Variants in SP1 observed in about 807,000 individuals in gnomAD.
SP1 encodes Sp1 transcription factor, also known as transcription factor Sp1.
A neutral mutation model predicts 66.3 loss-of-function variants in SP1; 6 were observed. That is an observed-to-expected ratio of 0.09 (90% CI 0.05 to 0.18). The LOEUF is 0.18. Among genes scored for constraint, SP1 ranks in the 10% least tolerant of loss-of-function variants. The pLI, the probability that SP1 is intolerant of heterozygous loss-of-function variation, is 1.00. For synonymous variants in SP1, 417 were observed against 360.8 expected, an observed-to-expected ratio of 1.16 and a Z score of -1.77; for missense variants, 848 against 964.5, an observed-to-expected ratio of 0.88 and a Z score of 1.60.
Position 53,414,219 on chromosome 12 carries a change from C to G in SP1, c.*2979C>G, listed in dbSNP as rs1938951942. 6.6e-6 allele frequency: 1 copy of G among 152,248 alleles called. No individual in the cohort carries two copies. Among genetic ancestry groups the G allele is most frequent in the East Asian group, 1.9e-4 (1 of 5,200 alleles). 9.4% of individuals were successfully genotyped at this position (152,248 alleles called of 1,614,324 possible). ...TGAGTTTTTTAAATTTTTTAGATGA[C>G]CAAAACTTGCAGGGCAGGGGATGCC... On this transcript the variant is annotated 3_prime_UTR_variant, in exon 6 of 6. Coordinates refer to ENST00000327443, the MANE Select transcript of SP1 (RefSeq NM_138473.3).
In SP1 at chr12:53,413,510, C is replaced by G. The variant is rs1938937321; in HGVS notation, c.*2270C>G. ...AATAGTTCACTCCATTTGGTCCTTTCTCCACAGATGTAATTATGTTTTCAA... is the reference window on the plus strand; with the variant it reads ...AATAGTTCACTCCATTTGGTCCTTTGTCCACAGATGTAATTATGTTTTCAA... On this transcript the variant is annotated 3_prime_UTR_variant, in exon 6 of 6. Transcript: ENST00000327443. The G allele has an allele frequency of 2.0e-5, 3 of 152,608 alleles. No individual in the cohort carries two copies. Among genetic ancestry groups the G allele is most frequent in the Non-Finnish European group, 4.4e-5 (3 of 68,040 alleles). 9.5% of individuals were successfully genotyped at this position (152,608 alleles called of 1,614,324 possible). A position where few individuals can be genotyped will look rare whatever the true frequency, so the allele number is the denominator to read the frequency against.
At chr12:53,391,916 T>C (rs908328144) in intron 3 of SP1, among the ~76,000 whole-genome samples, 4 of 152,094 alleles carry the variant, frequency 2.6e-5, no homozygotes, top group Admixed American at 2.0e-4. Context: ...CAGACATGGA[T>C]GCAAAAGATA....
At position 53,380,317 on chromosome 12, in the gene SP1, C is replaced by G; in HGVS notation, c.7+19C>G. 1 of 1,582,788 alleles carries G rather than the reference C, an allele frequency of 6.3e-7. No homozygotes were observed. Among genetic ancestry groups the G allele is most frequent in the Non-Finnish European group, 8.6e-7 (1 of 1,164,356 alleles). On this transcript the variant is annotated intron_variant, in intron 1 of 5. Transcript: ENST00000327443. ...ATGAGCGGTAAGGATGAGTCCACTC[C>G]AAGCTTAGGGGTGGGAGGCGAGTGA...
intron 1 of SP1, among the ~76,000 whole-genome samples, chr12:53,381,034 C>T (rs1481857703): frequency 1.3e-5 from 2 of 148,656 alleles, no homozygotes; most frequent in Non-Finnish European, 3.0e-5. Context: ...TCACTGCAAC[C>T]TCTGCCTCCC....
At chr12:53,393,617 G>A (rs1938405750) in intron 3 of SP1, among the ~76,000 whole-genome samples, 1 of 145,816 alleles carries the variant, frequency 6.9e-6, no homozygotes, top group Non-Finnish European at 1.5e-5. Flanking sequence ...TCAATTTTGA[G>A]ACGGAATTCT....
At chr12:53,384,357 T>C (rs1193809157) in intron 3 of SP1, among the ~76,000 whole-genome samples, 1 of 151,972 alleles carries the variant, frequency 6.6e-6, no homozygotes, top group Non-Finnish European at 1.5e-5. Flanking sequence ...TGATCTCGGC[T>C]CACTGCAACC....
rs1938743551 is a variant in SP1, at chr12:53,406,574, CTT to C, written c.1676-10_1676-9del. 1 of 1,612,772 alleles carries C rather than the reference CTT, an allele frequency of 6.2e-7. No individual in the cohort carries two copies. The highest frequency in any genetic ancestry group is 1.1e-5 in the South Asian group (1 of 91,050). ...ATGTCACATGTTGACCCTTTTCTCTCTTAATTTCAGGTGATCATGGAGCTCAG... is the reference window on the plus strand; with the variant it reads ...ATGTCACATGTTGACCCTTTTCTCTCAATTTCAGGTGATCATGGAGCTCAG... On this transcript the variant is annotated splice_polypyrimidine_tract_variant and intron_variant, in intron 3 of 5. Transcript: ENST00000327443.
intron 4 of SP1, among the ~76,000 whole-genome samples, chr12:53,408,245 C>CAA (rs548495020): frequency 1.5e-4 from 15 of 97,726 alleles, no homozygotes; most frequent in East Asian, 1.2e-3. Context: ...GACTCTGTCT[C>CAA]AAAAAAAAAA....
At chr12:53,406,012 C>T (rs561496263) in intron 3 of SP1, among the ~76,000 whole-genome samples, 1 of 147,166 alleles carries the variant, frequency 6.8e-6, no homozygotes, top group East Asian at 2.0e-4. Context: ...AAAAAAACAA[C>T]TATGAGATTT....
At chr12:53,401,677 C>G (rs1938614569) in intron 3 of SP1, among the ~76,000 whole-genome samples, 1 of 152,002 alleles carries the variant, frequency 6.6e-6, no homozygotes, top group Non-Finnish European at 1.5e-5. Flanking sequence ...TGATTACTTA[C>G]TATGGTTTTG....
At chr12:53,405,759 C>T (rs1938719980) in intron 3 of SP1, among the ~76,000 whole-genome samples, 2 of 151,962 alleles carry the variant, frequency 1.3e-5, no homozygotes, top group Admixed American at 1.3e-4. Flanking sequence ...TTTTCCTGTA[C>T]CCTTACCAAT....
chr12:53,403,509 T>A (rs1202607336), intron 3 of SP1, among the ~76,000 whole-genome samples: 2 of 138,694 alleles, frequency 1.4e-5, no homozygotes, highest in African/African-American at 5.6e-5. Flanking sequence ...CACGCCACCA[T>A]GCCCAGCTAA....
chr12:53,389,175 G>A (rs12368491), intron 3 of SP1, among the ~76,000 whole-genome samples: 26,835 of 146,232 alleles, frequency 0.18, 2,511 homozygotes, highest in African/African-American at 0.21. Flanking sequence ...CTTCCATGGT[G>A]TTCACTTAGT....
rs1257086551 is a variant in SP1 at position 53,416,300 on chromosome 12, CTTCCT to C, written c.*5064_*5068del. ...AAGTTTCTTCCTGCTCCTTTTGTAT[CTTCCT>C]TTCTTGTCTTTCCTCCTACCTTTTG... On this transcript the variant is annotated 3_prime_UTR_variant, in exon 6 of 6. Coordinates refer to ENST00000327443, the MANE Select transcript of SP1 (RefSeq NM_138473.3). The C allele has an allele frequency of 6.8e-6, 1 of 147,954 alleles. No individual in the cohort carries two copies. The highest frequency in any genetic ancestry group is 1.5e-5 in the Non-Finnish European group (1 of 67,282). 9.2% of individuals were successfully genotyped at this position (147,954 alleles called of 1,614,324 possible).
At position 53,381,664 on chromosome 12, in the gene SP1, G is replaced by A; in HGVS notation, c.13G>A (p.Asp5Asn). The A allele has an allele frequency of 1.2e-6, 2 of 1,607,752 alleles. No homozygotes were observed. The highest frequency in any genetic ancestry group is 1.3e-5 in the African/African-American group (1 of 74,562). The change falls in exon 2 of 6, where the codon GAT (aspartate) becomes AAT (asparagine). Residue 5 changes from aspartate to asparagine, a missense_variant. Physicochemically the swap from Asp to Asn is conservative, Grantham distance 23. Coordinates refer to ENST00000327443, the MANE Select transcript of SP1 (RefSeq NM_138473.3). MSDQDHSMDEMTAVV... is the reference protein window; with the variant it reads MSDQNHSMDEMTAVV... ...TTGTTTTTTAATTATTTTAGACCAA[G>A]ATCACTCCATGGATGAAATGACAGC...
Position 53,415,247 on chromosome 12 carries a change from G to C in SP1, c.*4007G>C, listed in dbSNP as rs1592577859. ...TCTTGGCTCTACTCCACAGATACCAGACCTCTTCTAAGAGGATGAGCAGAC... is the reference window on the plus strand; with the variant it reads ...TCTTGGCTCTACTCCACAGATACCACACCTCTTCTAAGAGGATGAGCAGAC... On this transcript the variant is annotated 3_prime_UTR_variant, in exon 6 of 6. Coordinates refer to ENST00000327443, the MANE Select transcript of SP1 (RefSeq NM_138473.3). 3 of 152,618 alleles carry C rather than the reference G, an allele frequency of 2.0e-5. No homozygotes were observed. Among genetic ancestry groups the C allele is most frequent in the Admixed American group, 2.0e-4 (3 of 15,282 alleles). The allele number at this position is 152,618 out of a possible 1,614,324, so 9.5% of individuals were successfully genotyped here.
At chr12:53,406,072 T>C (rs1201504399) in intron 3 of SP1, among the ~76,000 whole-genome samples, 1 of 138,316 alleles carries the variant, frequency 7.2e-6, no homozygotes, top group African/African-American at 2.6e-5. Flanking sequence ...TTTCTTTTTT[T>C]TTTTTTTTTT....
chr12:53,404,678 A>AT (rs2136914611), intron 3 of SP1, among the ~76,000 whole-genome samples: 1 of 152,062 alleles, frequency 6.6e-6, no homozygotes, highest in South Asian at 2.1e-4. Context: ...ATTTATATAT[A>AT]TTTTTTTGAG....
chr12:53,405,300 G>A (rs1938707289), intron 3 of SP1, among the ~76,000 whole-genome samples: 1 of 152,092 alleles, frequency 6.6e-6, no homozygotes, highest in Non-Finnish European at 1.5e-5. Context: ...GTTCAAATTA[G>A]ATGTACATTT....
Sources: gnomAD v4.1 joint callset for allele counts (sites outside exome capture counted in the v4.1 genomes callset) on GRCh38, gnomAD v4.1.1 for gene constraint, MANE v1.5 for transcripts, NCBI Gene and HGNC (gene_info 2026-07-23, HGNC 2026-07-21) for gene names.